Variants in SELENOV observed in about 807,000 individuals in gnomAD.
SELENOV encodes selenoprotein V.
In SELENOV, 25 loss-of-function variants were observed where a neutral mutation model predicts 21.6. That is an observed-to-expected ratio of 1.16 (90% CI 0.84 to 1.62). The LOEUF is 1.62. Ranked by LOEUF, SELENOV falls within the 40% of genes most tolerant of loss-of-function variation. The probability of loss-of-function intolerance (pLI) is 0.00; values close to 1 mark genes in which losing one functional copy is unlikely to be tolerated. For missense variants in SELENOV, 472 were observed against 459.0 expected, an observed-to-expected ratio of 1.03 and a Z score of -0.26; for synonymous variants, 227 against 216.9, an observed-to-expected ratio of 1.05 and a Z score of -0.41.
chr19:39,515,562 C>T lies in SELENOV; in HGVS notation c.350C>T (p.Thr117Ile), dbSNP rs1354444349. The change falls in exon 1 of 6, where the codon ACT (threonine) becomes ATT (isoleucine). Residue 117 changes from threonine (T) to isoleucine (I), a missense_variant. Transcript: ENST00000335426. This position sits in a 1 kb window ranked among gnomAD's most constrained non-coding sequence, Gnocchi z 5.1. ...GTCCCGACTCCGGCTCGGACCCTGA[C>T]TCCTCCAGTCCGGGTCCCAGCCCCA... 4 of 1,549,716 alleles carry T rather than the reference C, an allele frequency of 2.6e-6. No homozygotes were observed. Among genetic ancestry groups the T allele is most frequent in the Non-Finnish European group, 3.5e-6 (4 of 1,146,920 alleles).
At chr19:39,518,286 CAAAA>C (rs780708032) in intron 1 of SELENOV, among the ~76,000 whole-genome samples, 1 of 112,148 alleles carries the variant, frequency 8.9e-6, no homozygotes, top group Non-Finnish European at 1.8e-5. Flanking sequence ...AACAAAAAAA[CAAAA>C]AAACAAAAAA....
intron 1 of SELENOV, among the ~76,000 whole-genome samples, chr19:39,517,209 G>C (rs1194288083): frequency 6.6e-6 from 1 of 151,886 alleles, no homozygotes; most frequent in Non-Finnish European, 1.5e-5. Context: ...TCCCTATCTC[G>C]GTTCCCTCAC....
chr19:39,519,315 C>T lies in SELENOV; in HGVS notation c.*22+145C>T, dbSNP rs530850275. ...AAGTCACCTACATTCTTTTCTGAGC[C>T]TCAGTTGCCTCATCTGTAAGACCCT... is the stretch of plus-strand genomic sequence containing the variant. On this transcript the variant is annotated intron_variant, in intron 5 of 5. Transcript: ENST00000335426. 1,292 of 643,824 alleles carry T rather than the reference C, an allele frequency of 2.0e-3. 9 individuals are homozygous for T. Among genetic ancestry groups the T allele is most frequent in the Middle Eastern group, 8.1e-3 (19 of 2,360 alleles). 39.9% of individuals were successfully genotyped at this position (643,824 alleles called of 1,614,324 possible). A position where few individuals can be genotyped will look rare whatever the true frequency, so the allele number is the denominator to read the frequency against.
At position 39,515,663 on chromosome 19, in the gene SELENOV, T is replaced by C; in HGVS notation, c.451T>C (p.Leu151=). The stretch of plus-strand genomic sequence containing the variant: ...CTCCTACCTGGCCCCGGCCCTACCT[T>C]TGGATCCGCCCCCGGAACCTGCTCC... The change falls in exon 1 of 6, where the codon TTG becomes CTG. Residue 151 remains leucine (L), a synonymous_variant. Transcript: ENST00000335426. This position sits in a 1 kb window ranked among gnomAD's most constrained non-coding sequence, Gnocchi z 5.1. The C allele has an allele frequency of 6.5e-7, 1 of 1,548,464 alleles. No homozygotes were observed. Among genetic ancestry groups the C allele is most frequent in the Non-Finnish European group, 8.7e-7 (1 of 1,146,780 alleles).
chr19:39,515,729 C>G lies in SELENOV; in HGVS notation c.517C>G (p.Pro173Ala). 1 of 1,549,634 alleles carries G rather than the reference C, an allele frequency of 6.5e-7. No homozygotes were observed. The highest frequency in any genetic ancestry group is 1.2e-5 in the South Asian group (1 of 84,030). ...GCCCGAGGAGGACCCTGAGCCGGCG[C>G]CGAGCCTGAAGCTCATCCCGTCGGT... The change falls in exon 1 of 6, where the codon CCG (proline) becomes GCG (alanine). Residue 173 changes from proline to alanine, a missense_variant. By Grantham distance (27) the Pro-to-Ala change is conservative. Transcript: ENST00000335426. The surrounding 1 kb of genome is among the most constrained non-coding windows in gnomAD (Gnocchi z 5.1).
chr19:39,515,522 C>T lies in SELENOV; in HGVS notation c.310C>T (p.Arg104Trp), dbSNP rs1430990301. Residue 104 changes from arginine to tryptophan, a missense_variant, in exon 1 of 6, where the codon CGG (arginine) becomes TGG (tryptophan). Transcript: ENST00000335426. The surrounding 1 kb of genome is among the most constrained non-coding windows in gnomAD (Gnocchi z 5.1). ...TCCGGTGCCGACTCCCGTTCCCGTC[C>T]GGAACCCAACTCCGGTCCCGACTCC... 6.4e-7 allele frequency: 1 copy of T among 1,550,970 alleles called. No individual in the cohort carries two copies. The highest frequency in any genetic ancestry group is 2.4e-5 in the East Asian group (1 of 40,890).
intron 5 of SELENOV, among the ~76,000 whole-genome samples, 168 bp from the exon 6 acceptor site, chr19:39,519,964 CAAAAAAAAAAAAAA>C (rs5828040): frequency 5.2e-5 from 4 of 76,930 alleles, no homozygotes; most frequent in Admixed American, 3.4e-4. Context: ...GACTCTGTCT[CAAAAAAAAAAAAAA>C]AAAAAAAAGG....
chr19:39,518,295 AAAAAAAAAAGAG>A (rs2079709563), intron 1 of SELENOV, among the ~76,000 whole-genome samples: 2 of 38,996 alleles, frequency 5.1e-5, no homozygotes, highest in South Asian at 6.9e-4. Context: ...ACAAAAAAAC[AAAAAAAAAAGAG>A]AGAGAGAGAG....
At position 39,515,555 on chromosome 19, in the gene SELENOV, AC is replaced by A; in HGVS notation, c.346del (p.Leu116Ter). 6.5e-7 allele frequency: 1 copy of A among 1,549,236 alleles called. No individual in the cohort carries two copies. The highest frequency in any genetic ancestry group is 8.7e-7 in the Non-Finnish European group (1 of 1,146,738). On this transcript the variant is annotated frameshift_variant, in exon 1 of 6. Transcript: ENST00000335426. LOFTEE classifies it high-confidence loss of function. This position sits in a 1 kb window ranked among gnomAD's most constrained non-coding sequence, Gnocchi z 5.1. Reference sequence around the variant, plus strand: ...AACTCCGGTCCCGACTCCGGCTCGGACCCTGACTCCTCCAGTCCGGGTCCCA... The same window carrying A: ...AACTCCGGTCCCGACTCCGGCTCGGACCTGACTCCTCCAGTCCGGGTCCCA...
chr19:39,515,649 C>T lies in SELENOV; in HGVS notation c.437C>T (p.Ala146Val), dbSNP rs1422533653. ...CTCCCCGTCTTGGACTCCTACCTGG[C>T]CCCGGCCCTACCTTTGGATCCGCCC... The change falls in exon 1 of 6, where the codon GCC becomes GTC. Residue 146 changes from alanine (A) to valine (V), a missense_variant. Transcript: ENST00000335426. This position sits in a 1 kb window ranked among gnomAD's most constrained non-coding sequence, Gnocchi z 5.1. 10 of 1,548,266 alleles carry T rather than the reference C, an allele frequency of 6.5e-6. No homozygotes were observed. In the Admixed American group the frequency reaches 1.6e-4, roughly 24 times the overall value.
In SELENOV at chr19:39,515,589, C is replaced by A; in HGVS notation, c.377C>A (p.Ala126Asp). ...CCTCCAGTCCGGGTCCCAGCCCCAGCCCCAGCCCAGCTCCTGGCAGGGATT... is the reference window on the plus strand; with the variant it reads ...CCTCCAGTCCGGGTCCCAGCCCCAGACCCAGCCCAGCTCCTGGCAGGGATT... The change falls in exon 1 of 6, where the codon GCC becomes GAC. Residue 126 changes from alanine to aspartate, a missense_variant. Physicochemically the swap from Ala to Asp is moderately radical, Grantham distance 126. Transcript: ENST00000335426. This position sits in a 1 kb window ranked among gnomAD's most constrained non-coding sequence, Gnocchi z 5.1. 1 of 1,548,928 alleles carries A rather than the reference C, an allele frequency of 6.5e-7. No homozygotes were observed. Among genetic ancestry groups the A allele is most frequent in the Non-Finnish European group, 8.7e-7 (1 of 1,146,826 alleles).
chr19:39,518,474 C>A, intron 1 of SELENOV, 134 bp from the exon 2 acceptor site: 1 of 898,054 alleles, frequency 1.1e-6, no homozygotes, highest in Non-Finnish European at 1.8e-6. Flanking sequence ...GATGGCACTA[C>A]TTCGGGATTC....
Position 39,517,322 on chromosome 19 carries a change from C to T in SELENOV, c.810-1286C>T, listed in dbSNP as rs150830588. 7.6e-4 allele frequency among the ~76,000 whole-genome samples: 116 copies of T among 152,244 alleles called. No homozygotes were observed. The Middle Eastern group carries it at 0.014, about 18-fold the overall frequency. ...TCATTCGACAACTACTTCTTCACCA[C>T]CCACCATGTTCCAGGTCCTATTGGC... On this transcript the variant is annotated intron_variant, in intron 1 of 5. Coordinates refer to ENST00000335426, the Ensembl canonical transcript of SELENOV.
chr19:39,519,099 G>C (rs767434780), exon 5 of SELENOV: 1 of 1,613,840 alleles, frequency 6.2e-7, no homozygotes, highest in African/African-American at 1.3e-5. Context: ...AACGAGTCCA[G>C]GCTGCAGAAA....
chr19:39,515,606 G>A lies in SELENOV; in HGVS notation c.394G>A (p.Ala132Thr). 1 of 1,548,568 alleles carries A rather than the reference G, an allele frequency of 6.5e-7. No homozygotes were observed. The highest frequency in any genetic ancestry group is 8.7e-7 in the Non-Finnish European group (1 of 1,146,868). The change falls in exon 1 of 6, where the codon GCA (alanine) becomes ACA (threonine). Residue 132 changes from alanine (A) to threonine (T), a missense_variant. Physicochemically the swap from Ala to Thr is moderately conservative, Grantham distance 58 (BLOSUM62 0). Coordinates refer to ENST00000335426, the Ensembl canonical transcript of SELENOV. The surrounding 1 kb of genome is among the most constrained non-coding windows in gnomAD (Gnocchi z 5.1). Reference sequence around the variant, plus strand: ...AGCCCCAGCCCCAGCCCAGCTCCTGGCAGGGATTCGGGCCGCGCTCCCCGT... The same window carrying A: ...AGCCCCAGCCCCAGCCCAGCTCCTGACAGGGATTCGGGCCGCGCTCCCCGT...
chr19:39,519,238 C>G, intron 5 of SELENOV, 68 bp downstream of exon 5: 1 of 1,051,252 alleles, frequency 9.5e-7, no homozygotes, highest in Non-Finnish European at 1.5e-6. Context: ...GGGCAGGGCT[C>G]TGTCTCAGTC....
In SELENOV at chr19:39,516,042, T is replaced by C. The variant is rs2079695542; in HGVS notation, c.809+21T>C. Reference sequence around the variant, plus strand: ...TACTGGTGAGGACCTCACACATGCCTCTCCCAACCCCCGGGGACAGGGCCG... The same window carrying C: ...TACTGGTGAGGACCTCACACATGCCCCTCCCAACCCCCGGGGACAGGGCCG... On this transcript the variant is annotated intron_variant, in intron 1 of 5. Coordinates refer to ENST00000335426, the Ensembl canonical transcript of SELENOV. The C allele has an allele frequency of 3.2e-6, 5 of 1,558,552 alleles. No individual in the cohort carries two copies. In the East Asian group the frequency reaches 9.6e-5, roughly 30 times the overall value.
intron 1 of SELENOV, 105 bp from the exon 2 acceptor site, chr19:39,518,503 G>C: frequency 9.0e-7 from 1 of 1,111,032 alleles, no homozygotes; most frequent in South Asian, 1.3e-5. Flanking sequence ...GGAGGAACAT[G>C]ATCTAACTCA....
intron 5 of SELENOV, among the ~76,000 whole-genome samples, chr19:39,519,659 C>T (rs1445903604): frequency 1.3e-5 from 2 of 148,390 alleles, no homozygotes; most frequent in African/African-American, 4.9e-5. Context: ...GAGCAAGACC[C>T]TGTCTCTACA....
Sources: gnomAD v4.1 joint callset for allele counts (sites outside exome capture counted in the v4.1 genomes callset) on GRCh38, gnomAD v4.1.1 for gene constraint, Gnocchi (gnomAD v3.1) non-coding constraint, MANE v1.5 for transcripts, NCBI Gene and HGNC (gene_info 2026-07-23, HGNC 2026-07-21) for gene names.